EFNA1: variants seen among roughly 807,000 people sequenced by gnomAD.
EFNA1 encodes ephrin-A1.
EFNA1 carries 8 observed loss-of-function variants against 23.2 expected under a neutral mutation model. The ratio of observed to expected loss-of-function variants is 0.34; its 90% confidence interval spans 0.20 to 0.62. The LOEUF (loss-of-function observed/expected upper bound fraction) is 0.62. EFNA1 is among the 20% of genes least tolerant of loss of function. The pLI, the probability that EFNA1 is intolerant of heterozygous loss-of-function variation, is 0.75. For missense variants in EFNA1, 217 were observed against 260.0 expected (o/e 0.83, Z 1.14); for synonymous variants, 89 against 98.6 (o/e 0.90, Z 0.58).
chr1:155,131,307 C>T (rs748870661), intron 1 of EFNA1, 32 bp from the exon 2 acceptor site: 5 of 1,585,450 alleles, frequency 3.2e-6, no homozygotes, highest in Non-Finnish European at 4.3e-6. Context: ...TCTGAATGAC[C>T]ACCTGCTTCT....
At chr1:155,131,813 C>T (rs1349831234) in intron 2 of EFNA1, among the ~76,000 whole-genome samples, 179 bp downstream of exon 2, 2 of 152,100 alleles carry the variant, frequency 1.3e-5, no homozygotes, top group Admixed American at 6.6e-5. Flanking sequence ...CTCTGTTTAG[C>T]GCTATGAGCA....
Position 155,127,909 on chromosome 1 carries a change from A to G in EFNA1, c.-69A>G. The G allele has an allele frequency of 1.6e-6, 2 of 1,264,098 alleles. No individual in the cohort carries two copies. The highest frequency in any genetic ancestry group is 2.2e-6 in the Non-Finnish European group (2 of 892,410). 78.3% of individuals were successfully genotyped at this position (1,264,098 alleles called of 1,614,324 possible). A position where few individuals can be genotyped will look rare whatever the true frequency, so the allele number is the denominator to read the frequency against. ...GAGCCCAGCGCTGACTGCGCCGCGG[A>G]GAAAGCCAGTGGGAACCCAGACCCA... On this transcript the variant is annotated 5_prime_UTR_variant, in exon 1 of 5. Transcript: ENST00000368407. The surrounding 1 kb of genome is among the most constrained non-coding windows in gnomAD (Gnocchi z 4.4).
chr1:155,130,201 G>A (rs1031514495), intron 1 of EFNA1, among the ~76,000 whole-genome samples: 3 of 152,204 alleles, frequency 2.0e-5, no homozygotes, highest in Admixed American at 6.5e-5. Flanking sequence ...CTCCTTCCTC[G>A]CCCTCCCAGC....
chr1:155,132,322 C>T (rs1408768135), intron 2 of EFNA1, among the ~76,000 whole-genome samples: 1 of 151,856 alleles, frequency 6.6e-6, no homozygotes, highest in Non-Finnish European at 1.5e-5. Context: ...GATCTCTGCT[C>T]ACTGCAACCT....
At position 155,130,903 on chromosome 1, in the gene EFNA1, C is replaced by G. The variant is rs887879519; in HGVS notation, c.93-436C>G. 6.5e-5 allele frequency: 64 copies of G among 985,174 alleles called. 1 individual carries two copies. Among genetic ancestry groups the G allele is most frequent in the Non-Finnish European group, 7.6e-5 (63 of 829,936 alleles). 61.0% of individuals were successfully genotyped at this position (985,174 alleles called of 1,614,324 possible). ...GTAAAGAGAAAGGGTTTCCTGGATT[C>G]TGATTACAGAATGGACCTGTGGGGG... On this transcript the variant is annotated intron_variant, in intron 1 of 4. Coordinates refer to ENST00000368407, the MANE Select transcript of EFNA1 (RefSeq NM_004428.3).
At position 155,134,313 on chromosome 1, in the gene EFNA1, T is replaced by C; in HGVS notation, c.*246T>C. 1 of 549,374 alleles carries C rather than the reference T, an allele frequency of 1.8e-6. No homozygotes were observed. Among genetic ancestry groups the C allele is most frequent in the East Asian group, 3.2e-5 (1 of 31,522 alleles). 34.0% of individuals were successfully genotyped at this position (549,374 alleles called of 1,614,324 possible). A position where few individuals can be genotyped will look rare whatever the true frequency, so the allele number is the denominator to read the frequency against. ...GGGATGGAGAAAGAAGTGGAGACAG[T>C]CCTTTCCCACCATTCCTGCCTTTAA... On this transcript the variant is annotated 3_prime_UTR_variant, in exon 5 of 5. Coordinates refer to ENST00000368407, the MANE Select transcript of EFNA1 (RefSeq NM_004428.3).
At chr1:155,129,498 T>G (rs947192977) in intron 1 of EFNA1, 41 of 150,608 alleles carry the variant, frequency 2.7e-4, no homozygotes, top group African/African-American at 9.9e-4. Flanking sequence ...AGGGGGCTGA[T>G]GGGTGACCCT....
chr1:155,132,918 G>GT (rs896026377), intron 2 of EFNA1, among the ~76,000 whole-genome samples: 10 of 141,522 alleles, frequency 7.1e-5, no homozygotes, highest in South Asian at 2.4e-4. Flanking sequence ...TTGTTTTTTT[G>GT]TTTTTTTTCT....
At chr1:155,130,754 C>G (rs1439533874) in intron 1 of EFNA1, 5 of 985,188 alleles carry the variant, frequency 5.1e-6, no homozygotes, top group African/African-American at 1.7e-5. Context: ...CCCGGGTATA[C>G]TAGCTTCACT....
chr1:155,128,259 A>C (rs1664142949), intron 1 of EFNA1, among the ~76,000 whole-genome samples, 190 bp downstream of exon 1: 1 of 151,876 alleles, frequency 6.6e-6, no homozygotes, highest in Non-Finnish European at 1.5e-5. Context: ...GCTTGTGTCT[A>C]CTTGCATGGG....
chr1:155,132,573 C>T (rs1405156691), intron 2 of EFNA1, among the ~76,000 whole-genome samples: 6 of 150,980 alleles, frequency 4.0e-5, no homozygotes, highest in Admixed American at 1.3e-4. Flanking sequence ...GTTATGAGAT[C>T]ATCCAGCACT....
At position 155,131,588 on chromosome 1, in the gene EFNA1, C is replaced by T. The variant is rs1171666574; in HGVS notation, c.342C>T (p.Phe114=). 1.9e-6 allele frequency: 3 copies of T among 1,613,782 alleles called. No homozygotes were observed. Among genetic ancestry groups the T allele is most frequent in the Non-Finnish European group, 2.5e-6 (3 of 1,179,884 alleles). ...LSEKFQRFTP[F]TLGKEFKEGH... is the part of the protein sequence containing the mutation. The stretch of plus-strand genomic sequence containing the variant: ...AGAAGTTCCAGCGCTTCACACCTTT[C>T]ACCCTGGGCAAGGAGTTCAAAGAAG... Residue 114 remains phenylalanine (F), a synonymous_variant, in exon 2 of 5, where the codon TTC becomes TTT. Coordinates refer to ENST00000368407, the MANE Select transcript of EFNA1 (RefSeq NM_004428.3).
chr1:155,131,652 G>A lies in EFNA1; in HGVS notation c.388+18G>A, dbSNP rs1219663568. On this transcript the variant is annotated intron_variant, in intron 2 of 4. Transcript: ENST00000368407. ...CTACATCTGTGAGTGCCTGTGAGGG[G>A]ACAGTGTCTGTGTTTCTTTTTTGCC... 2 of 1,601,366 alleles carry A rather than the reference G, an allele frequency of 1.2e-6. No individual in the cohort carries two copies. Among genetic ancestry groups the A allele is most frequent in the Non-Finnish European group, 1.7e-6 (2 of 1,170,096 alleles).
intron 1 of EFNA1, 38 bp downstream of exon 1, chr1:155,128,107 G>T: frequency 1.9e-6 from 3 of 1,577,558 alleles, no homozygotes; most frequent in Non-Finnish European, 2.6e-6. Flanking sequence ...CTGGGCTCCC[G>T]GCTGGCACTA....
At position 155,131,535 on chromosome 1, in the gene EFNA1, GC is replaced by G. The variant is rs1344955773; in HGVS notation, c.291del (p.Lys98SerfsTer44). Reference protein sequence around the residue: ...QVRWQCNRPSAKHGPEKLSEK... With the variant: ...QVRWQCNRPSXKHGPEKLSEK... Reference sequence around the variant, plus strand: ...CCGCTGGCAGTGCAACCGGCCCAGTGCCAAGCATGGCCCGGAGAAGCTGTCT... The same window carrying G: ...CCGCTGGCAGTGCAACCGGCCCAGTGCAAGCATGGCCCGGAGAAGCTGTCT... On this transcript the variant is annotated frameshift_variant, in exon 2 of 5. Transcript: ENST00000368407. LOFTEE classifies it high-confidence loss of function. The G allele has an allele frequency of 3.1e-6, 5 of 1,613,650 alleles. No individual in the cohort carries two copies. The highest frequency in any genetic ancestry group is 4.2e-6 in the Non-Finnish European group (5 of 1,179,910).
At chr1:155,131,314 T>C (rs1358527161) in intron 1 of EFNA1, 25 bp from the exon 2 acceptor site, 4 of 1,589,608 alleles carry the variant, frequency 2.5e-6, no homozygotes, top group Non-Finnish European at 3.4e-6. Flanking sequence ...GACCACCTGC[T>C]TCTTCCCCCT....
chr1:155,131,188 C>A, intron 1 of EFNA1, 151 bp from the exon 2 acceptor site: 1 of 1,334,526 alleles, frequency 7.5e-7, no homozygotes, highest in Non-Finnish European at 1.0e-6. Context: ...TGTAAGACAT[C>A]AAGATCAGTA....
At chr1:155,131,255 A>AG in intron 1 of EFNA1, 84 bp from the exon 2 acceptor site, 1 of 1,494,088 alleles carries the variant, frequency 6.7e-7, no homozygotes. Context: ...GAAATGTGAG[A>AG]GGTCATGTAA....
chr1:155,131,076 G>A (rs1664231292), intron 1 of EFNA1: 2 of 1,281,464 alleles, frequency 1.6e-6, no homozygotes, highest in Non-Finnish European at 2.0e-6. Flanking sequence ...GGGGGTTATG[G>A]AAAATGCTTT....
Sources: allele counts gnomAD v4.1 joint callset (sites outside exome capture counted in the v4.1 genomes callset), GRCh38; gene constraint gnomAD v4.1.1; non-coding constraint Gnocchi (gnomAD v3.1); transcripts MANE v1.5; gene names NCBI Gene and HGNC (gene_info 2026-07-23, HGNC 2026-07-21).